Variants in NAALADL2 observed in about 807,000 individuals in gnomAD.
NAALADL2 encodes the protein N-acetylated alpha-linked acidic dipeptidase like 2, also known as inactive N-acetylated-alpha-linked acidic dipeptidase-like protein 2.
Under a neutral mutation model 87.2 loss-of-function variants are expected in NAALADL2, and 76 were observed. The ratio of observed to expected loss-of-function variants is 0.87; its 90% CI spans 0.72 to 1.05. The LOEUF (loss-of-function observed/expected upper bound fraction) is 1.05, where lower values mean the gene tolerates loss of function less well. Among genes scored for constraint, NAALADL2 ranks in the 50% least tolerant of loss-of-function variants. The pLI, the probability that NAALADL2 is intolerant of heterozygous loss-of-function variation, is 0.00. For missense variants in NAALADL2, 1,089 were observed against 945.8 expected (o/e 1.15, Z -1.99); for synonymous variants, 354 against 331.0 (o/e 1.07, Z -0.75).
chr3:175,254,363 T>C (rs997695710), intron 3 of NAALADL2, among the ~76,000 whole-genome samples: 8 of 152,202 alleles, frequency 5.3e-5, no homozygotes, highest in Non-Finnish European at 1.2e-4. Flanking sequence ...TTAGACATAA[T>C]GCTACTGCAC....
chr3:175,615,887 A>G (rs1479357896), intron 10 of NAALADL2, among the ~76,000 whole-genome samples: 1 of 147,858 alleles, frequency 6.8e-6, no homozygotes, highest in Admixed American at 6.8e-5. Context: ...TATAATATAT[A>G]TGTATATAAA....
chr3:175,051,936 A>G (rs553596827), intron 1 of NAALADL2, among the ~76,000 whole-genome samples: 2 of 152,340 alleles, frequency 1.3e-5, no homozygotes, highest in Admixed American at 6.5e-5. Flanking sequence ...GAGACCCTCA[A>G]CCAGTGGTGC....
At chr3:175,008,887 A>AT in intron 1 of NAALADL2, among the ~76,000 whole-genome samples, 1 of 152,306 alleles carries the variant, frequency 6.6e-6, no homozygotes, top group Admixed American at 6.5e-5. Flanking sequence ...GTTCAGTAAG[A>AT]TGCAAAGGAA....
chr3:174,469,659 T>A (rs1716777220), intron 1 of NAALADL2, among the ~76,000 whole-genome samples: 1 of 151,776 alleles, frequency 6.6e-6, no homozygotes, highest in South Asian at 2.1e-4. Flanking sequence ...CTCTATCTCT[T>A]GACGTCGTGA....
chr3:174,586,305 A>G (rs1244370783), intron 2 of NAALADL2, among the ~76,000 whole-genome samples: 1 of 151,938 alleles, frequency 6.6e-6, no homozygotes, highest in Non-Finnish European at 1.5e-5. Flanking sequence ...TATTTTTTTT[A>G]TTTTTAAAAA....
chr3:175,434,082 T>G (rs1047854246), intron 5 of NAALADL2, among the ~76,000 whole-genome samples: 4 of 151,976 alleles, frequency 2.6e-5, no homozygotes, highest in Non-Finnish European at 5.9e-5. Flanking sequence ...TTAATAATAT[T>G]GTAAGAAACC....
At chr3:175,166,103 A>G (rs753370188) in intron 2 of NAALADL2, among the ~76,000 whole-genome samples, 5 of 151,540 alleles carry the variant, frequency 3.3e-5, no homozygotes, top group Non-Finnish European at 7.4e-5. Flanking sequence ...AAACTTACCT[A>G]GTATATATAC....
intron 2 of NAALADL2, among the ~76,000 whole-genome samples, chr3:174,606,224 A>G (rs1198384885): frequency 6.6e-6 from 1 of 152,184 alleles, no homozygotes; most frequent in African/African-American, 2.4e-5. Context: ...TGGGGAAAAA[A>G]CAGAGCAGAA....
intron 2 of NAALADL2, among the ~76,000 whole-genome samples, chr3:175,154,426 A>C (rs951027005): frequency 6.6e-6 from 1 of 152,188 alleles, no homozygotes. Flanking sequence ...TCTGTCACCT[A>C]CTTGATAGGT....
At chr3:174,574,213 A>G (rs1715265461) in intron 2 of NAALADL2, among the ~76,000 whole-genome samples, 1 of 151,978 alleles carries the variant, frequency 6.6e-6, no homozygotes, top group Admixed American at 6.6e-5. Context: ...CGCTTTTAAA[A>G]GAAAATTCAA....
intron 3 of NAALADL2, among the ~76,000 whole-genome samples, chr3:174,824,417 A>G (rs573534389): frequency 1.6e-4 from 25 of 152,318 alleles, no homozygotes; most frequent in Admixed American, 1.2e-3. Flanking sequence ...TGTGAATTTA[A>G]GCACTACTTT....
intron 13 of NAALADL2, among the ~76,000 whole-genome samples, chr3:175,768,585 C>T (rs906920997): frequency 5.9e-5 from 9 of 152,074 alleles, no homozygotes; most frequent in East Asian, 1.9e-4. Flanking sequence ...AAAAGTGGCT[C>T]GCGCCTGTAA....
chr3:175,240,780 C>T (rs1048896111), intron 3 of NAALADL2, among the ~76,000 whole-genome samples: 9 of 152,112 alleles, frequency 5.9e-5, no homozygotes, highest in African/African-American at 1.9e-4. Flanking sequence ...CTCAGCCTCC[C>T]GAGTAGCTGG....
At chr3:175,676,071 GT>G (rs1734731661) in intron 11 of NAALADL2, 1 of 152,040 alleles carries the variant, frequency 6.6e-6, no homozygotes, top group African/African-American at 2.4e-5. Flanking sequence ...CCCATATCAA[GT>G]ATTCCATATG....
intron 1 of NAALADL2, among the ~76,000 whole-genome samples, chr3:174,926,821 C>T (rs1273101724): frequency 1.3e-5 from 2 of 152,084 alleles, no homozygotes; most frequent in East Asian, 3.9e-4. Flanking sequence ...AACCAGCTAA[C>T]ATCATAATGA....
chr3:175,367,439 T>G (rs1765778547), intron 5 of NAALADL2, among the ~76,000 whole-genome samples: 1 of 152,052 alleles, frequency 6.6e-6, no homozygotes, highest in Non-Finnish European at 1.5e-5. Flanking sequence ...AATCTATAAA[T>G]TACCTGGGGC....
chr3:174,983,047 C>T (rs1311299070), intron 1 of NAALADL2, among the ~76,000 whole-genome samples: 3 of 152,156 alleles, frequency 2.0e-5, no homozygotes, highest in African/African-American at 4.8e-5. Flanking sequence ...ATCCGCCTGC[C>T]TCGGCCTCCC....
At chr3:175,441,671 TCACACACA>T (rs57990259) in intron 5 of NAALADL2, among the ~76,000 whole-genome samples, 4,053 of 148,492 alleles carry the variant, frequency 0.027, 93 homozygotes, top group African/African-American at 0.051. Flanking sequence ...GATCTCATGT[TCACACACA>T]CACACACACA....
At chr3:174,760,111 C>T (rs1712719111) in intron 3 of NAALADL2, among the ~76,000 whole-genome samples, 1 of 152,128 alleles carries the variant, frequency 6.6e-6, no homozygotes, top group Admixed American at 6.5e-5. Context: ...TAATTTTCTT[C>T]CCATTTTATG....
Sources: gnomAD v4.1 joint callset for allele counts (sites outside exome capture counted in the v4.1 genomes callset) on GRCh38, gnomAD v4.1.1 for gene constraint, MANE v1.5 for transcripts, NCBI Gene and HGNC (gene_info 2026-07-23, HGNC 2026-07-21) for gene names.